Variants in ZFYVE28 observed in about 807,000 individuals in gnomAD.
ZFYVE28 encodes zinc finger FYVE-type containing 28, also known as lateral signaling target protein 2 homolog.
A neutral mutation model predicts 82.1 loss-of-function variants in ZFYVE28; 40 were observed. The observed-to-expected ratio is 0.49, with a 90% CI of 0.38 to 0.63. The LOEUF is 0.63. Ranked by LOEUF, ZFYVE28 falls within the 30% of genes least tolerant of loss-of-function variation. The pLI is 0.00. For synonymous variants in ZFYVE28, 612 were observed against 546.1 expected, an observed-to-expected ratio of 1.12 and a Z score of -1.68; for missense variants, 1,321 against 1,242.1, an observed-to-expected ratio of 1.06 and a Z score of -0.96.
intron 8 of ZFYVE28, among the ~76,000 whole-genome samples, chr4:2,283,600 A>ATCCG (rs1560135601): frequency 2.0e-5 from 3 of 152,112 alleles, no homozygotes; most frequent in African/African-American, 7.2e-5. Flanking sequence ...CCATCCATCC[A>ATCCG]TCCATCCACC....
chr4:2,311,209 A>C (rs533993242), intron 7 of ZFYVE28, among the ~76,000 whole-genome samples: 63 of 152,136 alleles, frequency 4.1e-4, no homozygotes, highest in Non-Finnish European at 7.5e-4. Flanking sequence ...GGAATTTATC[A>C]ATTTTATTAA....
At chr4:2,293,500 TC>T (rs551014973) in intron 8 of ZFYVE28, among the ~76,000 whole-genome samples, 121 of 152,282 alleles carry the variant, frequency 7.9e-4, no homozygotes, top group African/African-American at 2.7e-3. Context: ...AAGCCTGTAA[TC>T]CCAGCACTTT....
At chr4:2,280,711 A>C (rs933375858) in intron 8 of ZFYVE28, among the ~76,000 whole-genome samples, 1 of 152,300 alleles carries the variant, frequency 6.6e-6, no homozygotes, top group African/African-American at 2.4e-5. Flanking sequence ...TTTCAAGAAG[A>C]AAGGAAAGTG....
At chr4:2,297,292 G>A (rs561966763) in intron 8 of ZFYVE28, among the ~76,000 whole-genome samples, 3 of 152,328 alleles carry the variant, frequency 2.0e-5, no homozygotes, top group African/African-American at 4.8e-5. Context: ...TGGGGCAGAG[G>A]GTCAGCAGGC....
chr4:2,330,214 G>C lies in ZFYVE28; in HGVS notation c.701+5491C>G, dbSNP rs534125884. ...TTTGTGGTGATGGCTGCACAATTCT[G>C]AATGTACCAAAAACGACTGTGCACT... On this transcript the variant is annotated intron_variant, in intron 6 of 12. Coordinates refer to ENST00000290974, the MANE Select transcript of ZFYVE28 (RefSeq NM_020972.3). The C allele has an allele frequency of 6.6e-5, 60 of 915,596 alleles. No homozygotes were observed. In the African/African-American group the frequency reaches 1.0e-3, roughly 15 times the overall value. The allele number at this position is 915,596 out of a possible 1,614,324, so 56.7% of individuals were successfully genotyped here. A position where few individuals can be genotyped will look rare whatever the true frequency, so the allele number is the denominator to read the frequency against.
chr4:2,413,737 G>C (rs918644563), intron 1 of ZFYVE28, among the ~76,000 whole-genome samples: 2 of 152,260 alleles, frequency 1.3e-5, no homozygotes, highest in African/African-American at 4.8e-5. Context: ...CCCTGGAACA[G>C]GGTCTGTGCT....
At chr4:2,271,440 T>G in intron 11 of ZFYVE28, 26 bp from the exon 12 acceptor site, 1 of 1,607,030 alleles carries the variant, frequency 6.2e-7, no homozygotes, top group Non-Finnish European at 8.5e-7. Flanking sequence ...CAGCGTCACA[T>G]CAGCGACGGC....
chr4:2,354,703 C>T (rs968063392), intron 1 of ZFYVE28, among the ~76,000 whole-genome samples: 13 of 152,052 alleles, frequency 8.5e-5, no homozygotes, highest in Non-Finnish European at 5.9e-5. Context: ...AGGTGATCCA[C>T]GCGCCTCAGC....
At chr4:2,361,598 G>A (rs1178095189) in intron 1 of ZFYVE28, among the ~76,000 whole-genome samples, 2 of 152,138 alleles carry the variant, frequency 1.3e-5, no homozygotes, top group South Asian at 2.1e-4. Flanking sequence ...CCTGCACAGG[G>A]CACGGAAGCA....
intron 8 of ZFYVE28, among the ~76,000 whole-genome samples, chr4:2,283,195 C>T (rs959359431): frequency 6.8e-6 from 1 of 147,748 alleles, no homozygotes; most frequent in Non-Finnish European, 1.5e-5. Context: ...TACCCATCCA[C>T]CAATCCATGC....
intron 8 of ZFYVE28, among the ~76,000 whole-genome samples, chr4:2,282,189 C>T (rs1712053039): frequency 6.6e-6 from 1 of 152,364 alleles, no homozygotes; most frequent in East Asian, 1.9e-4. Flanking sequence ...CACTCCCGCA[C>T]CGGCTGCCTG....
At chr4:2,388,847 G>A (rs1729538948) in intron 1 of ZFYVE28, among the ~76,000 whole-genome samples, 1 of 152,126 alleles carries the variant, frequency 6.6e-6, no homozygotes, top group African/African-American at 2.4e-5. Context: ...GAGTCACCCT[G>A]GTGGGAAGCA....
At chr4:2,298,458 G>A (rs577662023) in intron 8 of ZFYVE28, among the ~76,000 whole-genome samples, 35 of 152,294 alleles carry the variant, frequency 2.3e-4, no homozygotes, top group African/African-American at 7.5e-4. Flanking sequence ...TGACTCCAGC[G>A]ATTCCTCTAA....
intron 1 of ZFYVE28, among the ~76,000 whole-genome samples, chr4:2,370,594 C>T (rs1439260026): frequency 1.3e-5 from 2 of 152,200 alleles, no homozygotes; most frequent in African/African-American, 4.8e-5. Context: ...TCCTGCCGGC[C>T]CAGGGCCCAG....
intron 1 of ZFYVE28, among the ~76,000 whole-genome samples, chr4:2,393,001 T>C (rs1729999327): frequency 6.6e-6 from 1 of 152,224 alleles, no homozygotes; most frequent in African/African-American, 2.4e-5. Context: ...GGCAAATAAA[T>C]AGGATCTTTT....
chr4:2,314,740 A>C (rs1205658193), intron 7 of ZFYVE28, among the ~76,000 whole-genome samples: 1 of 152,182 alleles, frequency 6.6e-6, no homozygotes, highest in Non-Finnish European at 1.5e-5. Context: ...TTGTACAGTT[A>C]ATATTCACTT....
chr4:2,338,631 A>AC (rs1225191097), intron 4 of ZFYVE28, among the ~76,000 whole-genome samples: 1 of 152,238 alleles, frequency 6.6e-6, no homozygotes, highest in East Asian at 1.9e-4. Flanking sequence ...ACTAACTCTA[A>AC]TTTTTTCTTA....
In ZFYVE28 at chr4:2,408,537, G is replaced by A. The variant is rs1732166439; in HGVS notation, c.39+9748C>T. On this transcript the variant is annotated intron_variant, in intron 1 of 12. Coordinates refer to ENST00000290974, the MANE Select transcript of ZFYVE28 (RefSeq NM_020972.3). This position sits in a 1 kb window ranked among gnomAD's most constrained non-coding sequence, Gnocchi z 4.3. ...CCGGGGTGGACCAAAGGCCGCAGAT[G>A]GTTCAGCTGGCTGACCCTTCCCAAC... Among the ~76,000 whole-genome samples, 1 of 152,252 alleles carries A rather than the reference G, an allele frequency of 6.6e-6. No homozygotes were observed. Among genetic ancestry groups the A allele is most frequent in the Non-Finnish European group, 1.5e-5 (1 of 68,040 alleles).
At chr4:2,413,133 G>A (rs73074345) in intron 1 of ZFYVE28, among the ~76,000 whole-genome samples, 2 of 152,274 alleles carry the variant, frequency 1.3e-5, no homozygotes, top group South Asian at 2.1e-4. Flanking sequence ...TGCAAATGCC[G>A]CTGGCACAAG....
Sources: gnomAD v4.1 joint callset for allele counts (sites outside exome capture counted in the v4.1 genomes callset) on GRCh38, gnomAD v4.1.1 for gene constraint, Gnocchi (gnomAD v3.1) non-coding constraint, MANE v1.5 for transcripts, NCBI Gene and HGNC (gene_info 2026-07-23, HGNC 2026-07-21) for gene names.